The following DENND5A variants were observed in gnomAD, a reference collection of about 807,000 sequenced individuals.
DENND5A encodes the protein DENN domain containing 5A.
Under a neutral mutation model 140.3 loss-of-function variants are expected in DENND5A, and 64 were observed. That is an observed-to-expected ratio of 0.46 (90% CI 0.37 to 0.56). The LOEUF (loss-of-function observed/expected upper bound fraction) is 0.56. Ranked by LOEUF, DENND5A falls within the 20% of genes least tolerant of loss-of-function variation. DENND5A has a pLI of 0.00. For synonymous variants in DENND5A, 605 were observed against 607.7 expected (o/e 1.00, Z 0.07); for missense variants, 1,292 against 1,593.8 (o/e 0.81, Z 3.22).
intron 1 of DENND5A, among the ~76,000 whole-genome samples, chr11:9,259,365 T>C (rs920943732): frequency 3.3e-5 from 5 of 150,408 alleles, no homozygotes; most frequent in Non-Finnish European, 7.4e-5. Context: ...AAGACCATCC[T>C]GGCTAACACG....
At position 9,177,484 on chromosome 11, in the gene DENND5A, AC is replaced by A. The variant is rs1848583162; in HGVS notation, c.1906+647del. 1.5e-5 allele frequency among the ~76,000 whole-genome samples: 2 copies of A among 130,942 alleles called. 1 individual carries two copies. Among genetic ancestry groups the A allele is most frequent in the African/African-American group, 6.3e-5 (2 of 31,572 alleles). 85.9% of individuals were successfully genotyped at this position (130,942 alleles called of 152,430 possible). Reference sequence around the variant, plus strand: ...CGGAGCATAGCAAAACCTTGTCTCCACAAAAAAAAAAAATTTTTTAATTAGC... The same window carrying A: ...CGGAGCATAGCAAAACCTTGTCTCCAAAAAAAAAAAAATTTTTTAATTAGC... On this transcript the variant is annotated intron_variant, in intron 8 of 22. Transcript: ENST00000328194.
intron 10 of DENND5A, among the ~76,000 whole-genome samples, chr11:9,169,084 A>AG (rs1415460229): frequency 5.9e-5 from 9 of 152,072 alleles, no homozygotes; most frequent in African/African-American, 9.7e-5. Context: ...AAGAAGAAGA[A>AG]AAAAAAAGTC....
At position 9,199,059 on chromosome 11, in the gene DENND5A, A is replaced by AAAT. The variant is rs770746997; in HGVS notation, c.949+4598_949+4600dup. Reference sequence around the variant, plus strand: ...GCAACAAGAGCAAACTCCGTCTCAAAAATAATAATAAATAATAAATAGTTT... The same window carrying AAAT: ...GCAACAAGAGCAAACTCCGTCTCAAAAATAATAATAATAAATAATAAATAGTTT... On this transcript the variant is annotated intron_variant, in intron 4 of 22. Transcript: ENST00000328194. Among the ~76,000 whole-genome samples the AAAT allele has an allele frequency of 3.5e-4, 27 of 78,168 alleles. 7 individuals are homozygous for AAAT. In the East Asian group the frequency reaches 0.014, roughly 42 times the overall value. 51.3% of individuals were successfully genotyped at this position (78,168 alleles called of 152,430 possible). A position where few individuals can be genotyped will look rare whatever the true frequency, so the allele number is the denominator to read the frequency against.
At chr11:9,224,798 C>T (rs1485428021) in intron 1 of DENND5A, among the ~76,000 whole-genome samples, 1 of 148,308 alleles carries the variant, frequency 6.7e-6, no homozygotes, top group African/African-American at 2.5e-5. Context: ...GCAGAGGTTG[C>T]AGTGAGCCAA....
At chr11:9,208,734 C>T (rs1269298631) in intron 1 of DENND5A, among the ~76,000 whole-genome samples, 2 of 152,348 alleles carry the variant, frequency 1.3e-5, no homozygotes, top group Non-Finnish European at 2.9e-5. Flanking sequence ...TTTCATTCCT[C>T]TTATTTCCTG....
intron 1 of DENND5A, among the ~76,000 whole-genome samples, chr11:9,210,689 C>A (rs189413505): frequency 1.6e-4 from 25 of 152,244 alleles, no homozygotes; most frequent in Admixed American, 4.6e-4. Flanking sequence ...GACCACCACG[C>A]CCAGCTAATT....
At chr11:9,248,646 A>G (rs1851583261) in intron 1 of DENND5A, among the ~76,000 whole-genome samples, 1 of 150,898 alleles carries the variant, frequency 6.6e-6, no homozygotes, top group South Asian at 2.2e-4. Flanking sequence ...AGAGAGGGGT[A>G]TAATGAGGGA....
rs200953775 is a variant in DENND5A, at chr11:9,160,872, G to A, written c.2284-7C>T. ...CCACCAGCATCCTCTTGGTCTACAAGGAAGCAGTCAACAGGATTAAATAAC... is the reference window on the plus strand; with the variant it reads ...CCACCAGCATCCTCTTGGTCTACAAAGAAGCAGTCAACAGGATTAAATAAC... On this transcript the variant is annotated splice_polypyrimidine_tract_variant and splice_region_variant and intron_variant, in intron 11 of 22. Transcript: ENST00000328194. The A allele has an allele frequency of 6.2e-7, 1 of 1,613,550 alleles. No homozygotes were observed. Among genetic ancestry groups the A allele is most frequent in the Non-Finnish European group, 8.5e-7 (1 of 1,179,548 alleles).
Position 9,181,030 on chromosome 11 carries a change from A to G in DENND5A, c.1192T>C (p.Leu398=). The change falls in exon 6 of 23, where the codon TTG becomes CTG. Residue 398 remains leucine, a synonymous_variant. Transcript: ENST00000328194. ...TCCAATTTGTTGGGGAACTGTGGCA[A>G]GTCCTCTGGCAACTCAATGAAGTGG... ...DNHFIELPED[L]PQFPNKLEFV... is the part of the protein sequence containing the mutation. The G allele has an allele frequency of 1.2e-6, 2 of 1,614,208 alleles. No individual in the cohort carries two copies. Among genetic ancestry groups the G allele is most frequent in the African/African-American group, 1.3e-5 (1 of 75,054 alleles).
chr11:9,215,859 T>C lies in DENND5A; in HGVS notation c.110-8227A>G, dbSNP rs12279002. On this transcript the variant is annotated intron_variant, in intron 1 of 22. Transcript: ENST00000328194. The stretch of plus-strand genomic sequence containing the variant: ...GCCACCGCGCCTGGCCGTTCTTTTA[T>C]ATAATTAATAAGTTAGTTAGATGTA... 7.4e-3 allele frequency among the ~76,000 whole-genome samples: 1,131 copies of C among 152,268 alleles called. 20 individuals carry two copies. Among genetic ancestry groups the C allele is most frequent in the African/African-American group, 0.026 (1,080 of 41,560 alleles).
At chr11:9,242,364 C>T (rs1296552949) in intron 1 of DENND5A, 1 of 152,160 alleles carries the variant, frequency 6.6e-6, no homozygotes, top group Non-Finnish European at 1.5e-5. Context: ...TATAAACATA[C>T]CTTCGTTATA....
intron 6 of DENND5A, among the ~76,000 whole-genome samples, chr11:9,179,635 G>C (rs1440779909): frequency 6.6e-6 from 1 of 152,040 alleles, no homozygotes; most frequent in Admixed American, 6.6e-5. Flanking sequence ...CAGTAGCTGG[G>C]ATTACAGGCA....
chr11:9,181,756 T>C (rs962084150), intron 5 of DENND5A, among the ~76,000 whole-genome samples: 1 of 151,552 alleles, frequency 6.6e-6, no homozygotes, highest in Non-Finnish European at 1.5e-5. Flanking sequence ...AAAAAATAAA[T>C]TCCTGGTGAA....
chr11:9,168,711 A>G (rs1848270336), intron 10 of DENND5A, among the ~76,000 whole-genome samples: 1 of 152,198 alleles, frequency 6.6e-6, no homozygotes. Flanking sequence ...ATTTTAATTT[A>G]TTCATTAAAA....
At chr11:9,139,888 G>A in intron 22 of DENND5A, 34 bp from the exon 23 acceptor site, 1 of 1,602,034 alleles carries the variant, frequency 6.2e-7, no homozygotes, top group Non-Finnish European at 8.5e-7. Flanking sequence ...GCAGGTCAGA[G>A]GGGCAAAGGA....
At chr11:9,260,376 T>A (rs1444012403) in intron 1 of DENND5A, among the ~76,000 whole-genome samples, 1 of 152,122 alleles carries the variant, frequency 6.6e-6, no homozygotes, top group Non-Finnish European at 1.5e-5. Context: ...TGGGGTCACC[T>A]AGTGGTGACC....
chr11:9,236,306 CG>C (rs1183349271), intron 1 of DENND5A, among the ~76,000 whole-genome samples: 1 of 151,360 alleles, frequency 6.6e-6, no homozygotes, highest in African/African-American at 2.4e-5. Flanking sequence ...CCGAGGCAGG[CG>C]TATCACCTGA....
At chr11:9,264,895 G>A in intron 1 of DENND5A, 66 bp downstream of exon 1, 3 of 1,371,806 alleles carry the variant, frequency 2.2e-6, no homozygotes, top group South Asian at 2.5e-5. Flanking sequence ...GCTGAAGGAA[G>A]GTTTCTTCTG....
chr11:9,187,753 G>A (rs146179126), intron 5 of DENND5A, among the ~76,000 whole-genome samples: 2 of 152,268 alleles, frequency 1.3e-5, no homozygotes, highest in East Asian at 3.9e-4. Context: ...AGACAACGAA[G>A]CTCCAAAGAG....
Sources: gnomAD v4.1 joint callset for allele counts (sites outside exome capture counted in the v4.1 genomes callset) on GRCh38, gnomAD v4.1.1 for gene constraint, MANE v1.5 for transcripts, NCBI Gene and HGNC (gene_info 2026-07-23, HGNC 2026-07-21) for gene names.